The following TPRG1 variants were observed in gnomAD, a reference collection of about 807,000 sequenced individuals.
TPRG1 encodes the protein tumor protein p63-regulated gene 1 protein.
A neutral mutation model predicts 29.3 loss-of-function variants in TPRG1; 29 were observed. That is an observed-to-expected ratio of 0.99 (90% CI 0.74 to 1.35). TPRG1 has a LOEUF of 1.35. Among genes scored for constraint, TPRG1 ranks in the 40% most tolerant of loss-of-function variants. TPRG1 has a pLI of 0.00. For missense variants in TPRG1, 327 were observed against 335.0 expected, an observed-to-expected ratio of 0.98 and a Z score of 0.19; for synonymous variants, 130 against 116.8, an observed-to-expected ratio of 1.11 and a Z score of -0.73.
intron 4 of TPRG1, among the ~76,000 whole-genome samples, chr3:189,258,175 A>T (rs1712252945): frequency 6.6e-6 from 1 of 150,386 alleles, no homozygotes; most frequent in South Asian, 2.1e-4. Flanking sequence ...TGACCTTCAG[A>T]TGGAGTTTTT....
At chr3:189,109,628 G>C (rs560759630) in intron 1 of TPRG1, among the ~76,000 whole-genome samples, 18 of 152,144 alleles carry the variant, frequency 1.2e-4, no homozygotes, top group African/African-American at 2.4e-4. Flanking sequence ...ACATTTAAGT[G>C]TGTTTACTGA....
At chr3:189,224,412 G>A (rs146000452) in intron 3 of TPRG1, among the ~76,000 whole-genome samples, 1,591 of 152,196 alleles carry the variant, frequency 0.01, 32 homozygotes, top group African/African-American at 0.036. Flanking sequence ...CCTGAGAGGC[G>A]GAGCTTGCAG....
intron 4 of TPRG1, among the ~76,000 whole-genome samples, chr3:189,074,298 A>G (rs1284413708): frequency 2.2e-5 from 3 of 138,832 alleles, no homozygotes; most frequent in African/African-American, 8.3e-5. Flanking sequence ...CTCTGCCTCC[A>G]GGTTTCGCGC....
At chr3:189,215,173 C>T in intron 2 of TPRG1, 119 bp from the exon 3 acceptor site, 1 of 734,602 alleles carries the variant, frequency 1.4e-6, no homozygotes, top group Non-Finnish European at 2.1e-6. Context: ...CAGGCAACTG[C>T]ATAAACTATA....
chr3:189,311,870 T>C (rs1234856819), intron 5 of TPRG1, among the ~76,000 whole-genome samples: 5 of 152,106 alleles, frequency 3.3e-5, no homozygotes, highest in Non-Finnish European at 5.9e-5. Context: ...ACCTAACACC[T>C]ATTTGAAGGC....
intron 3 of TPRG1, among the ~76,000 whole-genome samples, chr3:189,135,887 C>T (rs1723690915): frequency 6.6e-6 from 1 of 152,164 alleles, no homozygotes; most frequent in African/African-American, 2.4e-5. Context: ...AAATCCTACG[C>T]ATATTTCACA....
At chr3:189,048,786 G>C (rs1715126280) in intron 4 of TPRG1, among the ~76,000 whole-genome samples, 1 of 152,184 alleles carries the variant, frequency 6.6e-6, no homozygotes, top group African/African-American at 2.4e-5. Context: ...TGCTCCTGCA[G>C]GACCTGGGAG....
intron 1 of TPRG1, among the ~76,000 whole-genome samples, chr3:189,183,822 C>G (rs1730562020): frequency 6.6e-6 from 1 of 151,356 alleles, no homozygotes; most frequent in Non-Finnish European, 1.5e-5. Flanking sequence ...CACACATGCT[C>G]TACAATTTGT....
At chr3:189,090,218 T>C (rs138127802) in intron 4 of TPRG1, among the ~76,000 whole-genome samples, 102 of 152,278 alleles carry the variant, frequency 6.7e-4, no homozygotes, top group African/African-American at 2.4e-3. Context: ...TTGTCATTTA[T>C]TTCTAAATGG....
chr3:189,287,403 T>C (rs1271537616), intron 4 of TPRG1, among the ~76,000 whole-genome samples: 1 of 150,000 alleles, frequency 6.7e-6, no homozygotes, highest in Non-Finnish European at 1.5e-5. Flanking sequence ...TTTCTTTCTT[T>C]TTTTTTTTTT....
chr3:189,293,109 TCTTTA>T (rs1488637138), intron 4 of TPRG1, among the ~76,000 whole-genome samples: 1 of 152,186 alleles, frequency 6.6e-6, no homozygotes, highest in Non-Finnish European at 1.5e-5. Context: ...GCATTTCTTT[TCTTTA>T]AAGTTGGCAA....
At position 189,173,751 on chromosome 3, in the gene TPRG1, A is replaced by G. The variant is rs112896316; in HGVS notation, c.-10+1620A>G. Among the ~76,000 whole-genome samples, 25 of 152,160 alleles carry G rather than the reference A, an allele frequency of 1.6e-4. 2 individuals are homozygous for G. The highest frequency in any genetic ancestry group is 6.0e-4 in the African/African-American group (25 of 41,524). ...TTTCATTGCCCACAATATGTAGTGA[A>G]TGGTGCTAGGAGTCCCAAGCAGAAG... is the stretch of plus-strand genomic sequence containing the variant. On this transcript the variant is annotated intron_variant, in intron 1 of 5. Coordinates refer to ENST00000345063, the MANE Select transcript of TPRG1 (RefSeq NM_198485.4).
chr3:189,051,451 C>T (rs1715314360), intron 4 of TPRG1, among the ~76,000 whole-genome samples: 3 of 152,084 alleles, frequency 2.0e-5, no homozygotes, highest in Non-Finnish European at 4.4e-5. Flanking sequence ...ATAGATGACA[C>T]AAACAAATGG....
At chr3:189,045,406 T>A (rs1197115399) in intron 4 of TPRG1, among the ~76,000 whole-genome samples, 1 of 152,236 alleles carries the variant, frequency 6.6e-6, no homozygotes, top group Non-Finnish European at 1.5e-5. Context: ...TTCTAAATAA[T>A]AAGATCAGGA....
At chr3:189,273,659 A>G (rs1715602677) in intron 4 of TPRG1, among the ~76,000 whole-genome samples, 1 of 152,192 alleles carries the variant, frequency 6.6e-6, no homozygotes, top group Non-Finnish European at 1.5e-5. Flanking sequence ...GAATGCACTC[A>G]TTTGATAGCT....
intron 4 of TPRG1, among the ~76,000 whole-genome samples, chr3:189,085,514 A>G (rs1701094557): frequency 6.6e-6 from 1 of 151,688 alleles, no homozygotes; most frequent in African/African-American, 2.4e-5. Context: ...AGCTAGACCA[A>G]TGTTTGCTTC....
chr3:189,089,347 T>G (rs1718187092), intron 4 of TPRG1, among the ~76,000 whole-genome samples: 1 of 152,232 alleles, frequency 6.6e-6, no homozygotes, highest in African/African-American at 2.4e-5. Context: ...ATTTTGTATC[T>G]TTACTAAAAC....
intron 4 of TPRG1, among the ~76,000 whole-genome samples, chr3:189,254,796 A>G (rs551171993): frequency 3.3e-5 from 5 of 152,154 alleles, no homozygotes; most frequent in African/African-American, 9.6e-5. Flanking sequence ...TGTGATTCAG[A>G]GTTTGCTCAT....
At chr3:189,090,995 C>A (rs1578330306) in intron 4 of TPRG1, among the ~76,000 whole-genome samples, 1 of 152,144 alleles carries the variant, frequency 6.6e-6, no homozygotes, top group East Asian at 1.9e-4. Flanking sequence ...AGATATTTGA[C>A]CTTGCTTAAA....
Sources: gnomAD v4.1 joint callset for allele counts (sites outside exome capture counted in the v4.1 genomes callset) on GRCh38, gnomAD v4.1.1 for gene constraint, MANE v1.5 for transcripts, NCBI Gene and HGNC (gene_info 2026-07-23, HGNC 2026-07-21) for gene names.